CNBD1: variants seen among roughly 807,000 people sequenced by gnomAD.
CNBD1 encodes cyclic nucleotide-binding domain-containing protein 1.
Under a neutral mutation model 54.4 loss-of-function variants are expected in CNBD1, and 71 were observed. That is an observed-to-expected ratio of 1.30 (90% CI 1.08 to 1.59). The LOEUF is 1.59. Ranked by LOEUF, CNBD1 falls within the 40% of genes most tolerant of loss-of-function variation. The probability of loss-of-function intolerance (pLI) is 0.00; values close to 1 mark genes in which losing one functional copy is unlikely to be tolerated. For missense variants in CNBD1, 659 were observed against 518.0 expected (o/e 1.27, Z -2.64); for synonymous variants, 182 against 170.7 (o/e 1.07, Z -0.51).
chr8:87,011,972 C>G (rs1000804412), intron 4 of CNBD1, among the ~76,000 whole-genome samples: 1 of 151,986 alleles, frequency 6.6e-6, no homozygotes, highest in Non-Finnish European at 1.5e-5. Context: ...TGTATAAATA[C>G]AAAACAATTT....
At chr8:86,998,912 A>T (rs1436625142) in intron 4 of CNBD1, among the ~76,000 whole-genome samples, 2 of 152,262 alleles carry the variant, frequency 1.3e-5, no homozygotes, top group East Asian at 3.9e-4. Context: ...ACCTCTGTGT[A>T]ACTGTGTTTT....
At chr8:86,877,631 C>T (rs545008291) in intron 1 of CNBD1, among the ~76,000 whole-genome samples, 4 of 152,190 alleles carry the variant, frequency 2.6e-5, no homozygotes, top group South Asian at 4.1e-4. Flanking sequence ...AGCTGCTAAT[C>T]GAGTAACACC....
intron 2 of CNBD1, among the ~76,000 whole-genome samples, chr8:87,399,376 T>C (rs1811460301): frequency 6.6e-6 from 1 of 152,016 alleles, no homozygotes; most frequent in Admixed American, 6.6e-5. Flanking sequence ...GTCTTTTCTC[T>C]GTTCTCCCCA....
intron 4 of CNBD1, among the ~76,000 whole-genome samples, chr8:87,058,207 C>G (rs1438989694): frequency 6.6e-6 from 1 of 152,186 alleles, no homozygotes; most frequent in African/African-American, 2.4e-5. Flanking sequence ...CATGCTGAGG[C>G]AAGAGGTGGG....
chr8:86,966,565 C>T (rs1244231270), intron 4 of CNBD1, among the ~76,000 whole-genome samples: 1 of 152,040 alleles, frequency 6.6e-6, no homozygotes, highest in Non-Finnish European at 1.5e-5. Context: ...GTGGCACATC[C>T]AGAGTTGTTC....
intron 8 of CNBD1, among the ~76,000 whole-genome samples, chr8:87,315,353 T>C (rs917059321): frequency 5.9e-5 from 9 of 152,104 alleles, no homozygotes; most frequent in African/African-American, 2.2e-4. Flanking sequence ...AAAGGAATAC[T>C]TGAAGCTAGG....
At position 87,125,520 on chromosome 8, in the gene CNBD1, A is replaced by C. The variant is rs180863325; in HGVS notation, c.432-80473A>C. Among the ~76,000 whole-genome samples the C allele has an allele frequency of 1.4e-3, 218 of 151,970 alleles. 1 individual carries two copies. Among genetic ancestry groups the C allele is most frequent in the Middle Eastern group, 6.8e-3 (2 of 294 alleles). On this transcript the variant is annotated intron_variant, in intron 4 of 10. Coordinates refer to ENST00000518476, the MANE Select transcript of CNBD1 (RefSeq NM_173538.3). ...TTTTTGTGTCAGTTTTGATGGCTACATTTTTCATTAATTTGACCATTCCAT... is the reference window on the plus strand; with the variant it reads ...TTTTTGTGTCAGTTTTGATGGCTACCTTTTTCATTAATTTGACCATTCCAT...
intron 8 of CNBD1, among the ~76,000 whole-genome samples, chr8:87,303,839 A>G (rs1488002010): frequency 2.0e-5 from 3 of 152,146 alleles, no homozygotes; most frequent in South Asian, 2.1e-4. Context: ...ATATGAACAG[A>G]CACTTCTCAA....
intron 8 of CNBD1, among the ~76,000 whole-genome samples, chr8:87,310,626 T>A (rs1809245211): frequency 6.6e-6 from 1 of 152,032 alleles, no homozygotes; most frequent in African/African-American, 2.4e-5. Context: ...TAATTTGAAA[T>A]AAGCGATTCT....
chr8:86,879,565 C>T (rs187276492), intron 1 of CNBD1, among the ~76,000 whole-genome samples: 416 of 152,174 alleles, frequency 2.7e-3, no homozygotes, highest in Non-Finnish European at 4.6e-3. Flanking sequence ...CCAGAACATG[C>T]GTTGTTGAAA....
intron 6 of CNBD1, among the ~76,000 whole-genome samples, chr8:87,263,928 A>G (rs180942122): frequency 1.3e-3 from 191 of 152,282 alleles, no homozygotes; most frequent in African/African-American, 4.4e-3. Context: ...AAATCTTATT[A>G]TACTCTTTTA....
intron 2 of CNBD1, among the ~76,000 whole-genome samples, chr8:86,893,928 A>T (rs986686169): frequency 1.3e-5 from 2 of 151,744 alleles, no homozygotes; most frequent in Admixed American, 1.3e-4. Flanking sequence ...TGAATCCAGG[A>T]CTACCAAACT....
intron 3 of CNBD1, among the ~76,000 whole-genome samples, chr8:86,907,894 G>C (rs1231273858): frequency 7.2e-5 from 11 of 152,106 alleles, no homozygotes; most frequent in Non-Finnish European, 1.5e-4. Flanking sequence ...CATGTTAGCA[G>C]ACATGAAATA....
In CNBD1 at chr8:86,884,652, T is replaced by A. The variant is rs573045199; in HGVS notation, c.89-2890T>A. On this transcript the variant is annotated intron_variant, in intron 1 of 10. Coordinates refer to ENST00000518476, the MANE Select transcript of CNBD1 (RefSeq NM_173538.3). ...GCTTATTGTCTCTGAAGGATCCTTT[T>A]CTTTATTTTCTCCCATCCAGCTTCT... Among the ~76,000 whole-genome samples the A allele has an allele frequency of 2.0e-5, 3 of 152,300 alleles. No homozygotes were observed. The East Asian group carries it at 5.8e-4, about 29-fold the overall frequency.
At chr8:87,374,149 A>G (rs1044949686) in intron 10 of CNBD1, among the ~76,000 whole-genome samples, 7 of 151,910 alleles carry the variant, frequency 4.6e-5, no homozygotes, top group South Asian at 2.1e-4. Context: ...GTGCCCCATC[A>G]ACATGTATAT....
intron 4 of CNBD1, among the ~76,000 whole-genome samples, chr8:86,967,445 A>G (rs1043974281): frequency 2.0e-4 from 31 of 152,178 alleles, no homozygotes; most frequent in South Asian, 2.1e-4. Flanking sequence ...TCTGGTCCCA[A>G]CTCAGAAGGG....
At chr8:87,237,312 T>C in intron 6 of CNBD1, 200 bp downstream of exon 6, 1 of 386,230 alleles carries the variant, frequency 2.6e-6, no homozygotes, top group African/African-American at 2.1e-5. Context: ...CAACAGCATC[T>C]GACCACTGGC....
intron 4 of CNBD1, among the ~76,000 whole-genome samples, chr8:87,049,844 C>T (rs1016341155): frequency 2.0e-5 from 3 of 152,178 alleles, no homozygotes; most frequent in African/African-American, 7.2e-5. Flanking sequence ...AAATTATTCT[C>T]CATGGTTAAC....
At chr8:86,998,717 A>G (rs1808931982) in intron 4 of CNBD1, among the ~76,000 whole-genome samples, 1 of 152,180 alleles carries the variant, frequency 6.6e-6, no homozygotes, top group Admixed American at 6.5e-5. Context: ...ATAGCACTCT[A>G]CATCTTTTGA....
Sources: gnomAD v4.1 joint callset for allele counts (sites outside exome capture counted in the v4.1 genomes callset) on GRCh38, gnomAD v4.1.1 for gene constraint, MANE v1.5 for transcripts, NCBI Gene and HGNC (gene_info 2026-07-23, HGNC 2026-07-21) for gene names.